The following SREBF2 variants were observed in gnomAD, a reference collection of about 807,000 sequenced individuals.
The protein encoded by SREBF2 is sterol regulatory element binding transcription factor 2.
Under a neutral mutation model 113.1 loss-of-function variants are expected in SREBF2, and 55 were observed. The ratio of observed to expected loss-of-function variants is 0.49; its 90% CI spans 0.39 to 0.61. The LOEUF (loss-of-function observed/expected upper bound fraction) is 0.61, where lower values mean the gene tolerates loss of function less well. Ranked by LOEUF, SREBF2 falls within the 20% of genes least tolerant of loss-of-function variation. The pLI is 0.00. For synonymous variants in SREBF2, 593 were observed against 605.7 expected (o/e 0.98, Z 0.31); for missense variants, 1,349 against 1,487.4 (o/e 0.91, Z 1.53).
chr22:41,893,377 G>A (rs2077382713), intron 12 of SREBF2, 92 bp downstream of exon 12: 13 of 1,382,742 alleles, frequency 9.4e-6, no homozygotes, highest in South Asian at 2.3e-5. Context: ...GGAGACACGG[G>A]TTGTCTCTTA....
chr22:41,903,691 G>T (rs779112393), intron 17 of SREBF2, among the ~76,000 whole-genome samples: 1 of 152,202 alleles, frequency 6.6e-6, no homozygotes, highest in Non-Finnish European at 1.5e-5. Flanking sequence ...GCTATATAAT[G>T]TATTCAACAT....
At chr22:41,834,742 C>T (rs1332341499) in intron 1 of SREBF2, 1 of 152,128 alleles carries the variant, frequency 6.6e-6, no homozygotes, top group Non-Finnish European at 1.5e-5. Context: ...TAATTGAAGC[C>T]CCAGTTCTAA....
intron 1 of SREBF2, among the ~76,000 whole-genome samples, chr22:41,860,105 G>A (rs894126174): frequency 2.0e-5 from 3 of 151,888 alleles, no homozygotes; most frequent in South Asian, 2.1e-4. Context: ...GCGCCAGGCC[G>A]ACATGGTGAT....
chr22:41,896,903 C>T (rs964344089), intron 13 of SREBF2, 149 bp from the exon 14 acceptor site: 1 of 634,852 alleles, frequency 1.6e-6, no homozygotes, highest in Admixed American at 2.1e-5. Flanking sequence ...AAAGGGTACA[C>T]ATAGACAGCG....
chr22:41,881,007 G>A lies in SREBF2; in HGVS notation c.2038+15G>A, dbSNP rs756122873. 2 of 1,602,454 alleles carry A rather than the reference G, an allele frequency of 1.2e-6. No individual in the cohort carries two copies. The highest frequency in any genetic ancestry group is 2.2e-5 in the East Asian group (1 of 44,826). On this transcript the variant is annotated intron_variant, in intron 10 of 18. Coordinates refer to ENST00000361204, the MANE Select transcript of SREBF2 (RefSeq NM_004599.4). ...GCACATCACAGGTGAGGGGGCAGCT[G>A]CTGCTGCCTGGCTTGCTGCAAGGCA...
At position 41,852,307 on chromosome 22, in the gene SREBF2, A is replaced by G. The variant is rs2076939665; in HGVS notation, c.89-14524A>G. Among the ~76,000 whole-genome samples the G allele has an allele frequency of 3.9e-5, 6 of 151,998 alleles. No individual in the cohort carries two copies. The South Asian group carries it at 1.0e-3, about 26-fold the overall frequency. ...ATCCATCAGTTTGGATTATTCCCAT[A>G]TTTACAATTAAGTAACTGAGTCTCA... On this transcript the variant is annotated intron_variant, in intron 1 of 18. Coordinates refer to ENST00000361204, the MANE Select transcript of SREBF2 (RefSeq NM_004599.4).
chr22:41,838,414 C>T (rs1382766678), intron 1 of SREBF2, among the ~76,000 whole-genome samples: 1 of 152,062 alleles, frequency 6.6e-6, no homozygotes, highest in Non-Finnish European at 1.5e-5. Context: ...TAGGGGGTGA[C>T]ATATTAATCA....
At chr22:41,875,909 A>G (rs924765294) in intron 7 of SREBF2, among the ~76,000 whole-genome samples, 185 bp downstream of exon 7, 3 of 152,182 alleles carry the variant, frequency 2.0e-5, no homozygotes, top group Non-Finnish European at 2.9e-5. Context: ...CTCCGGGGGG[A>G]AACAGTCCCT....
intron 10 of SREBF2, 36 bp downstream of exon 10, chr22:41,881,028 A>C: frequency 6.3e-7 from 1 of 1,597,768 alleles, no homozygotes. Context: ...GCTTGCTGCA[A>C]GGCATCTCAT....
At chr22:41,864,443 C>T (rs1602298783) in intron 1 of SREBF2, among the ~76,000 whole-genome samples, 1 of 149,654 alleles carries the variant, frequency 6.7e-6, no homozygotes. Context: ...GACTCAGCCT[C>T]CCGAGTAGCT....
chr22:41,856,657 G>C (rs1441288070), intron 1 of SREBF2, among the ~76,000 whole-genome samples: 1 of 152,200 alleles, frequency 6.6e-6, no homozygotes, highest in Non-Finnish European at 1.5e-5. Flanking sequence ...TCAAAGGCAT[G>C]TGCAGAAGAG....
chr22:41,882,780 T>C (rs2077260653), intron 10 of SREBF2, among the ~76,000 whole-genome samples: 1 of 152,168 alleles, frequency 6.6e-6, no homozygotes, highest in Non-Finnish European at 1.5e-5. Flanking sequence ...CATTCCAGCC[T>C]GGGCAACAAG....
Position 41,867,183 on chromosome 22 carries a change from A to G in SREBF2, c.441A>G (p.Gln147=). 1 of 1,614,162 alleles carries G rather than the reference A, an allele frequency of 6.2e-7. No individual in the cohort carries two copies. Among genetic ancestry groups the G allele is most frequent in the Non-Finnish European group, 8.5e-7 (1 of 1,180,032 alleles). Residue 147 remains glutamine (Q), a synonymous_variant, in exon 2 of 19, where the codon CAA becomes CAG. Coordinates refer to ENST00000361204, the MANE Select transcript of SREBF2 (RefSeq NM_004599.4). ...CTCAACCTCAAACTCAGCTGCAACA[A>G]CAGACGGTAATGATCACGCCAACAT... The part of the protein sequence containing the change: ...PQPQPQTQLQ[Q]QTVMITPTFS...
Position 41,866,929 on chromosome 22 carries a change from A to G in SREBF2, c.187A>G (p.Ser63Gly), listed in dbSNP as rs749153168. ...TCCTGGCAGTGGTGGTAGTGGTAGC[A>G]GCAGCGGCAGCAGTGGCAGCAGCAG... ...SFPGSGGSGS[S>G]SGSSGSSSSS... The change falls in exon 2 of 19, where the codon AGC (serine) becomes GGC (glycine). Residue 63 changes from serine (S) to glycine (G), a missense_variant. Around this residue, in one of 2 missense-constraint regions of SREBF2, gnomAD observed 699 missense variants for 843.3 expected, o/e 0.83. Transcript: ENST00000361204. 3.7e-6 allele frequency: 6 copies of G among 1,613,430 alleles called. No homozygotes were observed. Among genetic ancestry groups the G allele is most frequent in the Non-Finnish European group, 5.1e-6 (6 of 1,179,892 alleles).
At chr22:41,839,602 G>A (rs1456857867) in intron 1 of SREBF2, among the ~76,000 whole-genome samples, 2 of 152,170 alleles carry the variant, frequency 1.3e-5, no homozygotes. Flanking sequence ...GGAGAAAGTA[G>A]AATAATTTTT....
chr22:41,837,081 C>A (rs1409126205), intron 1 of SREBF2, among the ~76,000 whole-genome samples: 1 of 152,086 alleles, frequency 6.6e-6, no homozygotes, highest in Non-Finnish European at 1.5e-5. Context: ...GGAGGAAATA[C>A]AAGTTGAGTA....
At chr22:41,897,281 G>A (rs1357211264) in intron 14 of SREBF2, 120 bp downstream of exon 14, 3 of 621,750 alleles carry the variant, frequency 4.8e-6, no homozygotes, top group Non-Finnish European at 8.4e-6. Flanking sequence ...TGGATCCCAG[G>A]TTCATACCTG....
intron 11 of SREBF2, among the ~76,000 whole-genome samples, chr22:41,889,725 G>T (rs1036285316): frequency 5.4e-5 from 8 of 148,618 alleles, no homozygotes; most frequent in African/African-American, 1.7e-4. Context: ...AAGAGGTTGG[G>T]CACGGTGGCT....
At chr22:41,905,089 C>T (rs1470492254) in intron 18 of SREBF2, 115 bp downstream of exon 18, 7 of 1,016,858 alleles carry the variant, frequency 6.9e-6, no homozygotes, top group East Asian at 5.2e-5. Flanking sequence ...GCACACCTCT[C>T]GCCTCTCTGA....
Sources: allele counts gnomAD v4.1 joint callset (sites outside exome capture counted in the v4.1 genomes callset), GRCh38; gene constraint gnomAD v4.1.1; regional missense constraint gnomAD v4.1.1; transcripts MANE v1.5; gene names NCBI Gene and HGNC (gene_info 2026-07-23, HGNC 2026-07-21).